Variants in EBF3 observed in about 807,000 individuals in gnomAD.
EBF3 encodes the protein EBF transcription factor 3.
In EBF3, 18 loss-of-function variants were observed where a neutral mutation model predicts 77.1. The observed-to-expected ratio is 0.23, with a 90% CI of 0.16 to 0.35. EBF3 has a LOEUF of 0.35. Ranked by LOEUF, EBF3 falls within the 10% of genes least tolerant of loss-of-function variation. EBF3 has a pLI of 1.00. For synonymous variants in EBF3, 350 were observed against 343.5 expected, an observed-to-expected ratio of 1.02 and a Z score of -0.21; for missense variants, 558 against 860.0, an observed-to-expected ratio of 0.65 and a Z score of 4.39.
In EBF3 at chr10:129,902,230, ATT is replaced by A. The variant is rs34324443; in HGVS notation, c.555-24383_555-24382del. ...GGGGAAACACAAGGAACTTCCAGAC[ATT>A]TTTTTTTTTTTTTTTACTATGTTTC... On this transcript the variant is annotated intron_variant, in intron 6 of 16. Coordinates refer to ENST00000440978, the MANE Select transcript of EBF3 (RefSeq NM_001375380.1). Among the ~76,000 whole-genome samples the A allele has an allele frequency of 2.3e-3, 326 of 142,284 alleles. 2 individuals are homozygous for A. Among genetic ancestry groups the A allele is most frequent in the Middle Eastern group, 7.2e-3 (2 of 276 alleles). The allele number at this position is 142,284 out of a possible 152,430, so 93.3% of individuals were successfully genotyped here. A position where few individuals can be genotyped will look rare whatever the true frequency, so the allele number is the denominator to read the frequency against.
chr10:129,948,703 A>G (rs1564918253), intron 6 of EBF3, among the ~76,000 whole-genome samples: 1 of 152,212 alleles, frequency 6.6e-6, no homozygotes, highest in Non-Finnish European at 1.5e-5. Flanking sequence ...TGCTCTAAAA[A>G]ATAGTCTATT....
intron 6 of EBF3, among the ~76,000 whole-genome samples, chr10:129,904,616 CTGGATGGACAAATGGA>C (rs1855006966): frequency 1.4e-5 from 2 of 139,290 alleles, no homozygotes; most frequent in Non-Finnish European, 3.1e-5. Context: ...AGACGGATGG[CTGGATGGACAAATGGA>C]TGGATGGATG....
rs1488239904 is a variant in EBF3, at chr10:129,836,125, G to A, written c.*1818C>T. The stretch of plus-strand genomic sequence containing the variant: ...ATGCAGCGGGCTTGTGCTTTTTTGT[G>A]TGTGTTTGTGTGTTTTACACCATAC... On this transcript the variant is annotated 3_prime_UTR_variant, in exon 17 of 17. Transcript: ENST00000440978. The A allele has an allele frequency of 6.6e-6, 1 of 152,566 alleles. No homozygotes were observed. Among genetic ancestry groups the A allele is most frequent in the Non-Finnish European group, 1.5e-5 (1 of 68,034 alleles). The allele number at this position is 152,566 out of a possible 1,614,324, so 9.5% of individuals were successfully genotyped here. A position where few individuals can be genotyped will look rare whatever the true frequency, so the allele number is the denominator to read the frequency against.
chr10:129,881,554 C>T (rs1415546353), intron 6 of EBF3, among the ~76,000 whole-genome samples: 2 of 152,188 alleles, frequency 1.3e-5, no homozygotes, highest in East Asian at 3.9e-4. Context: ...CAGGAACCAG[C>T]AGAAGGGGGA....
chr10:129,869,048 G>A (rs1852228988), intron 8 of EBF3, among the ~76,000 whole-genome samples: 1 of 152,206 alleles, frequency 6.6e-6, no homozygotes, highest in South Asian at 2.1e-4. Context: ...TGTAATGGTT[G>A]CCAGGTGGCC....
In EBF3 at chr10:129,943,542, G is replaced by A. The variant is rs754057587; in HGVS notation, c.554+13716C>T. On this transcript the variant is annotated intron_variant, in intron 6 of 16. Transcript: ENST00000440978. This position sits in a 1 kb window ranked among gnomAD's most constrained non-coding sequence, Gnocchi z 8.8. ...CTTTCAGCTGGACCTGGCCTCCAGCGCACTTGGATGCTAGGGATGAGCCTC... is the reference window on the plus strand; with the variant it reads ...CTTTCAGCTGGACCTGGCCTCCAGCACACTTGGATGCTAGGGATGAGCCTC... Among the ~76,000 whole-genome samples, 22 of 152,288 alleles carry A rather than the reference G, an allele frequency of 1.4e-4. No individual in the cohort carries two copies. Among genetic ancestry groups the A allele is most frequent in the South Asian group, 6.2e-4 (3 of 4,828 alleles).
chr10:129,912,547 T>C (rs1186223655), intron 6 of EBF3, among the ~76,000 whole-genome samples: 1 of 152,184 alleles, frequency 6.6e-6, no homozygotes, highest in African/African-American at 2.4e-5. Flanking sequence ...CTGGCCCAAA[T>C]TGAGCATTTG....
At chr10:129,852,740 A>G (rs992983916) in intron 10 of EBF3, among the ~76,000 whole-genome samples, 11 of 152,234 alleles carry the variant, frequency 7.2e-5, no homozygotes, top group African/African-American at 2.7e-4. Context: ...ATTGGAAAAC[A>G]TACACGTTTG....
chr10:129,898,596 G>A (rs1854559162), intron 6 of EBF3, among the ~76,000 whole-genome samples: 1 of 152,196 alleles, frequency 6.6e-6, no homozygotes, highest in African/African-American at 2.4e-5. Flanking sequence ...ATTATAAACT[G>A]ACTTTGGTAA....
intron 8 of EBF3, among the ~76,000 whole-genome samples, chr10:129,872,245 C>T (rs556737348): frequency 3.9e-5 from 6 of 152,256 alleles, no homozygotes; most frequent in African/African-American, 1.2e-4. Context: ...TCATTAGTGA[C>T]GGTTGCTAAG....
Position 129,884,453 on chromosome 10 carries a change from C to T in EBF3, c.555-6604G>A, listed in dbSNP as rs751858869. 7.2e-4 allele frequency among the ~76,000 whole-genome samples: 109 copies of T among 152,190 alleles called. 1 individual carries two copies. The highest frequency in any genetic ancestry group is 8.7e-4 in the Non-Finnish European group (59 of 68,030). Reference sequence around the variant, plus strand: ...TTACTGGGCTCACGTTCTTTAATGCCATACGGGAGAAAAAATCTGCTCCAT... The same window carrying T: ...TTACTGGGCTCACGTTCTTTAATGCTATACGGGAGAAAAAATCTGCTCCAT... On this transcript the variant is annotated intron_variant, in intron 6 of 16. Transcript: ENST00000440978.
intron 15 of EBF3, among the ~76,000 whole-genome samples, chr10:129,839,506 G>A (rs1489155598): frequency 6.6e-6 from 1 of 152,204 alleles, no homozygotes; most frequent in African/African-American, 2.4e-5. Context: ...GGCCTCATCT[G>A]TGGACAGCTG....
intron 6 of EBF3, among the ~76,000 whole-genome samples, chr10:129,931,461 A>G (rs1459541053): frequency 6.6e-6 from 1 of 152,244 alleles, no homozygotes; most frequent in African/African-American, 2.4e-5. Context: ...ATTACACACA[A>G]TATGCCCCAG....
At chr10:129,933,361 C>T (rs942517340) in intron 6 of EBF3, among the ~76,000 whole-genome samples, 1 of 152,332 alleles carries the variant, frequency 6.6e-6, no homozygotes, top group Non-Finnish European at 1.5e-5. Context: ...CGAGCTGGGA[C>T]GCCCCGAGTA....
intron 10 of EBF3, among the ~76,000 whole-genome samples, chr10:129,856,997 G>A (rs548907781): frequency 3.9e-5 from 6 of 152,292 alleles, no homozygotes; most frequent in African/African-American, 7.2e-5. Context: ...ACAGGGCTCC[G>A]CACAGGTGTG....
chr10:129,933,078 G>C (rs1384987384), intron 6 of EBF3, among the ~76,000 whole-genome samples: 1 of 152,086 alleles, frequency 6.6e-6, no homozygotes, highest in East Asian at 1.9e-4. Context: ...GGCAGTGACA[G>C]GTGATTAAAA....
chr10:129,940,223 CCCT>C (rs376251521), intron 6 of EBF3, among the ~76,000 whole-genome samples: 2 of 152,156 alleles, frequency 1.3e-5, no homozygotes, highest in African/African-American at 4.8e-5. Flanking sequence ...AGCAGCCTTC[CCCT>C]CCTCCTCCTC....
intron 16 of EBF3, among the ~76,000 whole-genome samples, chr10:129,838,622 A>C (rs1477821639): frequency 2.0e-5 from 3 of 152,218 alleles, no homozygotes; most frequent in African/African-American, 7.2e-5. Context: ...AAAGAAGAGA[A>C]AACTTTGCAC....
chr10:129,869,063 C>T (rs556452346), intron 8 of EBF3, among the ~76,000 whole-genome samples: 13 of 152,308 alleles, frequency 8.5e-5, no homozygotes, highest in South Asian at 8.3e-4. Flanking sequence ...GTGGCCTCTT[C>T]GATGTACAGG....
Sources: allele counts gnomAD v4.1 joint callset (sites outside exome capture counted in the v4.1 genomes callset), GRCh38; gene constraint gnomAD v4.1.1; non-coding constraint Gnocchi (gnomAD v3.1); transcripts MANE v1.5; gene names NCBI Gene and HGNC (gene_info 2026-07-23, HGNC 2026-07-21).